Variants in SCFD2 observed in about 807,000 individuals in gnomAD.
SCFD2 encodes the protein sec1 family domain containing 2, also known as sec1 family domain-containing protein 2.
SCFD2 carries 54 observed loss-of-function variants against 58.9 expected under a neutral mutation model. The ratio of observed to expected loss-of-function variants is 0.92; its 90% CI spans 0.74 to 1.15. The LOEUF (loss-of-function observed/expected upper bound fraction) is 1.15. SCFD2 is among the 50% of genes most tolerant of loss of function. The probability of loss-of-function intolerance (pLI) is 0.00; values close to 1 mark genes in which losing one functional copy is unlikely to be tolerated. For missense variants in SCFD2, 805 were observed against 836.6 expected (o/e 0.96, Z 0.47); for synonymous variants, 321 against 335.9 (o/e 0.96, Z 0.49).
In SCFD2 at chr4:53,352,629, C is replaced by T; in HGVS notation, c.976G>A (p.Val326Met). 1 of 1,613,850 alleles carries T rather than the reference C, an allele frequency of 6.2e-7. No individual in the cohort carries two copies. The highest frequency in any genetic ancestry group is 8.5e-7 in the Non-Finnish European group (1 of 1,179,812). ...TGTGAAAGACAGCCTGGTGCAACCA[C>T]ATTATAATTTTCCTCCTCAGTATGG... ...ALHTEEENYNVVAPGCLSQSS... is the reference protein window; with the variant it reads ...ALHTEEENYNMVAPGCLSQSS... The change falls in exon 2 of 9, where the codon GTG becomes ATG. Residue 326 changes from valine to methionine, a missense_variant. Val to Met is a conservative substitution (Grantham distance 21). This residue lies in a region of SCFD2 where 633 missense variants were observed against 646.8 expected (regional missense o/e 0.98). Coordinates refer to ENST00000401642, the MANE Select transcript of SCFD2 (RefSeq NM_152540.4).
chr4:53,109,855 T>C (rs989814612), intron 5 of SCFD2, among the ~76,000 whole-genome samples: 1 of 152,050 alleles, frequency 6.6e-6, no homozygotes, highest in African/African-American at 2.4e-5. Context: ...TTCACAGAAT[T>C]AGAAAAAATT....
intron 5 of SCFD2, among the ~76,000 whole-genome samples, chr4:52,932,871 G>T (rs1169902996): frequency 6.6e-6 from 1 of 152,086 alleles, no homozygotes; most frequent in African/African-American, 2.4e-5. Context: ...ACTAAATGAG[G>T]CCCCTTATCT....
intron 4 of SCFD2, among the ~76,000 whole-genome samples, chr4:53,164,788 C>A (rs867502892): frequency 9.4e-3 from 914 of 97,232 alleles, no homozygotes; most frequent in South Asian, 0.012. Context: ...TCTGGAGTCT[C>A]AAAAAAAAAA....
chr4:53,206,718 T>G (rs1421527596), intron 4 of SCFD2, among the ~76,000 whole-genome samples: 4 of 152,156 alleles, frequency 2.6e-5, no homozygotes, highest in Non-Finnish European at 5.9e-5. Flanking sequence ...GGAACAATTA[T>G]TATTTTTCAT....
At chr4:53,003,037 T>C (rs1721899042) in intron 5 of SCFD2, among the ~76,000 whole-genome samples, 1 of 152,170 alleles carries the variant, frequency 6.6e-6, no homozygotes, top group South Asian at 2.1e-4. Context: ...GAGGGGATGG[T>C]GCTAACCCAT....
At chr4:53,238,654 G>A (rs1484181495) in intron 4 of SCFD2, among the ~76,000 whole-genome samples, 6 of 151,680 alleles carry the variant, frequency 4.0e-5, no homozygotes, top group Non-Finnish European at 5.9e-5. Flanking sequence ...CGGGGTGGCC[G>A]GGCAGAGATG....
chr4:52,962,646 G>T (rs1283173712), intron 5 of SCFD2, among the ~76,000 whole-genome samples: 1 of 151,580 alleles, frequency 6.6e-6, no homozygotes, highest in Non-Finnish European at 1.5e-5. Context: ...TGAGCATTGT[G>T]TTAATGCTAT....
intron 4 of SCFD2, among the ~76,000 whole-genome samples, chr4:53,192,971 T>TTACA (rs1279986066): frequency 6.6e-6 from 1 of 152,080 alleles, no homozygotes; most frequent in African/African-American, 2.4e-5. Flanking sequence ...AAGCCTAAGA[T>TTACA]TACATACTCA....
chr4:53,210,412 T>C (rs183181625), intron 4 of SCFD2, among the ~76,000 whole-genome samples: 1 of 152,200 alleles, frequency 6.6e-6, no homozygotes, highest in African/African-American at 2.4e-5. Context: ...TACTAAGTAA[T>C]TATTTTTCTT....
Position 53,246,417 on chromosome 4 carries a change from G to A in SCFD2, c.1311+27409C>T, listed in dbSNP as rs147774846. Among the ~76,000 whole-genome samples the A allele has an allele frequency of 2.6e-5, 4 of 152,190 alleles. No individual in the cohort carries two copies. In the East Asian group the frequency reaches 5.8e-4, roughly 22 times the overall value. On this transcript the variant is annotated intron_variant, in intron 4 of 8. Coordinates refer to ENST00000401642, the MANE Select transcript of SCFD2 (RefSeq NM_152540.4). ...AATCCTAACCAAAAAGAACAAAGCT[G>A]GACACATCACACTACCCAACTTTAA...
chr4:53,243,244 C>T (rs1398496316), intron 4 of SCFD2, among the ~76,000 whole-genome samples: 3 of 152,068 alleles, frequency 2.0e-5, no homozygotes, highest in Admixed American at 6.5e-5. Context: ...TATAGGTCAC[C>T]TATACAGGGA....
At chr4:53,047,557 T>A (rs955616778) in intron 5 of SCFD2, among the ~76,000 whole-genome samples, 2 of 152,224 alleles carry the variant, frequency 1.3e-5, no homozygotes, top group African/African-American at 4.8e-5. Flanking sequence ...GATATCTTCC[T>A]CTCACCTGTA....
chr4:52,942,989 C>A (rs772256619), intron 5 of SCFD2, among the ~76,000 whole-genome samples: 4 of 150,844 alleles, frequency 2.7e-5, no homozygotes, highest in Non-Finnish European at 4.4e-5. Flanking sequence ...TTGGTACTAT[C>A]TGAATTTGAC....
At chr4:52,887,949 GCCGGA>G in intron 7 of SCFD2, among the ~76,000 whole-genome samples, 1 of 136,944 alleles carries the variant, frequency 7.3e-6, no homozygotes, top group African/African-American at 2.9e-5. Flanking sequence ...TGTCGCCCAG[GCCGGA>G]CTGCGGACTG....
At chr4:52,877,033 G>A (rs1718490694) in intron 8 of SCFD2, among the ~76,000 whole-genome samples, 1 of 152,128 alleles carries the variant, frequency 6.6e-6, no homozygotes, top group Non-Finnish European at 1.5e-5. Flanking sequence ...CCATCCCCAT[G>A]GGTGCTAAGT....
chr4:53,138,305 T>A (rs1412898258), intron 5 of SCFD2, among the ~76,000 whole-genome samples: 1 of 152,234 alleles, frequency 6.6e-6, no homozygotes, highest in Non-Finnish European at 1.5e-5. Context: ...CCCAGACTTT[T>A]AAATCAAGAA....
intron 2 of SCFD2, 132 bp downstream of exon 2, chr4:53,352,466 A>T: frequency 1.6e-6 from 1 of 611,998 alleles, no homozygotes; most frequent in Non-Finnish European, 2.7e-6. Context: ...GCTTTTTGCT[A>T]AATGCTACCC....
At chr4:53,035,598 G>T (rs1722735489) in intron 5 of SCFD2, among the ~76,000 whole-genome samples, 2 of 152,032 alleles carry the variant, frequency 1.3e-5, no homozygotes, top group Non-Finnish European at 2.9e-5. Flanking sequence ...CTAATATCCA[G>T]AATCTACAAA....
chr4:53,285,536 C>CTA (rs1731638637), intron 3 of SCFD2, among the ~76,000 whole-genome samples: 1 of 151,844 alleles, frequency 6.6e-6, no homozygotes, highest in African/African-American at 2.4e-5. Context: ...AGATGGCTGA[C>CTA]TAGAGTTGCC....
Sources: allele counts gnomAD v4.1 joint callset (sites outside exome capture counted in the v4.1 genomes callset), GRCh38; gene constraint gnomAD v4.1.1; regional missense constraint gnomAD v4.1.1; transcripts MANE v1.5; gene names NCBI Gene and HGNC (gene_info 2026-07-23, HGNC 2026-07-21).